Variants in LRRTM4 observed in about 807,000 individuals in gnomAD.
The protein encoded by LRRTM4 is leucine-rich repeat transmembrane neuronal protein 4.
In LRRTM4, 25 loss-of-function variants were observed where a neutral mutation model predicts 47.6. The observed-to-expected ratio is 0.53, with a 90% confidence interval of 0.38 to 0.73. The LOEUF (loss-of-function observed/expected upper bound fraction) is 0.73, where lower values mean the gene tolerates loss of function less well. Among genes scored for constraint, LRRTM4 ranks in the 30% least tolerant of loss-of-function variants. The pLI, the probability that LRRTM4 is intolerant of heterozygous loss-of-function variation, is 0.00. For missense variants in LRRTM4, 638 were observed against 713.4 expected, an observed-to-expected ratio of 0.89 and a Z score of 1.20; for synonymous variants, 311 against 269.5, an observed-to-expected ratio of 1.15 and a Z score of -1.51.
intron 3 of LRRTM4, among the ~76,000 whole-genome samples, chr2:76,994,148 T>G (rs560722556): frequency 6.6e-5 from 10 of 151,776 alleles, no homozygotes; most frequent in Non-Finnish European, 1.0e-4. Flanking sequence ...ACTGAAAAAC[T>G]ACCTATTGAG....
chr2:77,419,509 G>T (rs879578205), intron 3 of LRRTM4, among the ~76,000 whole-genome samples: 1 of 152,110 alleles, frequency 6.6e-6, no homozygotes, highest in Non-Finnish European at 1.5e-5. Flanking sequence ...TAAGTGCTAT[G>T]TAAATAGTTG....
At chr2:76,783,234 G>A (rs898190045) in intron 3 of LRRTM4, among the ~76,000 whole-genome samples, 6 of 152,092 alleles carry the variant, frequency 3.9e-5, no homozygotes, top group Admixed American at 1.3e-4. Flanking sequence ...GCTAAATGTT[G>A]TGTTTTCATC....
chr2:76,837,290 G>A (rs540491280), intron 3 of LRRTM4, among the ~76,000 whole-genome samples: 96 of 151,792 alleles, frequency 6.3e-4, no homozygotes, highest in African/African-American at 1.9e-3. Context: ...ATTAGTCTTC[G>A]TAGCGGTCTA....
At chr2:76,958,290 A>C (rs1349221835) in intron 3 of LRRTM4, among the ~76,000 whole-genome samples, 1 of 151,588 alleles carries the variant, frequency 6.6e-6, no homozygotes, top group Non-Finnish European at 1.5e-5. Flanking sequence ...TATGACAGAA[A>C]CTCTTGATTG....
intron 3 of LRRTM4, among the ~76,000 whole-genome samples, chr2:77,076,205 C>G (rs1680332030): frequency 6.6e-6 from 1 of 152,156 alleles, no homozygotes; most frequent in Non-Finnish European, 1.5e-5. Flanking sequence ...AGTTACCATA[C>G]TTAGCAGAAC....
At chr2:76,862,004 G>A (rs887231754) in intron 3 of LRRTM4, among the ~76,000 whole-genome samples, 1 of 152,008 alleles carries the variant, frequency 6.6e-6, no homozygotes, top group African/African-American at 2.4e-5. Context: ...GAGATTTTCA[G>A]GTTGTTTGTG....
At chr2:76,754,684 A>G (rs1261471883) in intron 3 of LRRTM4, among the ~76,000 whole-genome samples, 1 of 152,146 alleles carries the variant, frequency 6.6e-6, no homozygotes, top group Non-Finnish European at 1.5e-5. Flanking sequence ...CCTCACCAAT[A>G]GGTGAGGTGT....
chr2:77,170,938 T>TTGTGTATTA (rs1558617084), intron 3 of LRRTM4, among the ~76,000 whole-genome samples: 6 of 98,906 alleles, frequency 6.1e-5, no homozygotes, highest in African/African-American at 2.6e-4. Context: ...AAAGCTATAT[T>TTGTGTATTA]TATGTATTAT....
chr2:76,916,153 AAGAG>A (rs1179595254), intron 3 of LRRTM4, among the ~76,000 whole-genome samples: 1 of 152,110 alleles, frequency 6.6e-6, no homozygotes, highest in Non-Finnish European at 1.5e-5. Context: ...AGAAAAAACT[AAGAG>A]AGAGATTGTA....
intron 3 of LRRTM4, among the ~76,000 whole-genome samples, chr2:76,880,542 G>A (rs1002083733): frequency 6.6e-6 from 1 of 152,070 alleles, no homozygotes; most frequent in Non-Finnish European, 1.5e-5. Context: ...AAAAAATCAT[G>A]TGACTTGCTT....
At chr2:77,113,935 C>A (rs778142130) in intron 3 of LRRTM4, among the ~76,000 whole-genome samples, 5 of 152,066 alleles carry the variant, frequency 3.3e-5, no homozygotes, top group Non-Finnish European at 7.4e-5. Flanking sequence ...GCGGAAGCTG[C>A]AAGTAGCGGC....
chr2:76,912,293 C>T (rs966291005), intron 3 of LRRTM4, among the ~76,000 whole-genome samples: 2 of 152,206 alleles, frequency 1.3e-5, no homozygotes, highest in African/African-American at 4.8e-5. Flanking sequence ...AACCTGTTTT[C>T]GTTACCAAGA....
At chr2:77,132,621 G>T (rs920245575) in intron 3 of LRRTM4, among the ~76,000 whole-genome samples, 1 of 152,174 alleles carries the variant, frequency 6.6e-6, no homozygotes, top group South Asian at 2.1e-4. Flanking sequence ...CTCCAGAGGG[G>T]ACACGTGCTG....
At chr2:77,028,195 G>C (rs1391967394) in intron 3 of LRRTM4, among the ~76,000 whole-genome samples, 1 of 152,104 alleles carries the variant, frequency 6.6e-6, no homozygotes, top group African/African-American at 2.4e-5. Context: ...AGCAAGTTCT[G>C]AAGTAAGAAG....
chr2:77,216,215 G>A (rs1355053585), intron 3 of LRRTM4, among the ~76,000 whole-genome samples: 1 of 152,178 alleles, frequency 6.6e-6, no homozygotes, highest in Non-Finnish European at 1.5e-5. Flanking sequence ...TGACACCATT[G>A]CCAGAATACA....
intron 3 of LRRTM4, among the ~76,000 whole-genome samples, chr2:77,118,013 ATAAC>A (rs955700194): frequency 1.6e-4 from 25 of 152,108 alleles, no homozygotes; most frequent in Non-Finnish European, 2.8e-4. Flanking sequence ...TCACAAGTAA[ATAAC>A]TATTTCCCAA....
chr2:76,794,227 T>TGTTAG (rs1387970824), intron 3 of LRRTM4, among the ~76,000 whole-genome samples: 2 of 152,194 alleles, frequency 1.3e-5, no homozygotes, highest in African/African-American at 4.8e-5. Flanking sequence ...AATCAGACCT[T>TGTTAG]GTTAGATTAC....
At chr2:76,945,475 T>C (rs1675291644) in intron 3 of LRRTM4, among the ~76,000 whole-genome samples, 1 of 151,988 alleles carries the variant, frequency 6.6e-6, no homozygotes, top group Non-Finnish European at 1.5e-5. Context: ...AAATGTGCAA[T>C]GGAGTTGTTG....
intron 3 of LRRTM4, among the ~76,000 whole-genome samples, chr2:77,145,800 T>TAAATAAATAAATAAAA (rs1553398065): frequency 1.3e-5 from 2 of 150,768 alleles, no homozygotes; most frequent in African/African-American, 4.9e-5. Flanking sequence ...AATAAATAAA[T>TAAATAAATAAATAAAA]AAATAAAATA....
Sources: gnomAD v4.1 joint callset for allele counts (sites outside exome capture counted in the v4.1 genomes callset) on GRCh38, gnomAD v4.1.1 for gene constraint, MANE v1.5 for transcripts, NCBI Gene and HGNC (gene_info 2026-07-23, HGNC 2026-07-21) for gene names.